ASTN1: variants seen among roughly 807,000 people sequenced by gnomAD.
The protein encoded by ASTN1 is astrotactin-1.
Under a neutral mutation model 140.7 loss-of-function variants are expected in ASTN1, and 41 were observed. The observed-to-expected ratio is 0.29, with a 90% CI of 0.23 to 0.38. The LOEUF (loss-of-function observed/expected upper bound fraction) is 0.38. Ranked by LOEUF, ASTN1 falls within the 10% of genes least tolerant of loss-of-function variation. ASTN1 has a pLI of 1.00. For synonymous variants in ASTN1, 640 were observed against 652.2 expected, an observed-to-expected ratio of 0.98 and a Z score of 0.29; for missense variants, 1,479 against 1,678.8, an observed-to-expected ratio of 0.88 and a Z score of 2.08.
chr1:177,152,076 G>A (rs1683062529), intron 1 of ASTN1, among the ~76,000 whole-genome samples: 1 of 152,066 alleles, frequency 6.6e-6, no homozygotes, highest in Admixed American at 6.6e-5. Context: ...TATGTTGGGA[G>A]ACATGAGTAA....
chr1:176,952,783 G>T (rs1672246408), intron 11 of ASTN1, among the ~76,000 whole-genome samples: 2 of 152,230 alleles, frequency 1.3e-5, no homozygotes, highest in Admixed American at 1.3e-4. Context: ...TGCAAGGGCT[G>T]GATATTCTTT....
Position 177,104,492 on chromosome 1 carries a change from G to A in ASTN1, c.284-43227C>T, listed in dbSNP as rs191891808. On this transcript the variant is annotated intron_variant, in intron 1 of 22. Coordinates refer to ENST00000361833, the MANE Select transcript of ASTN1 (RefSeq NM_004319.3). ...GTTTTATTGGACCACATGTGTTTGT[G>A]CTGTGACGCAGGAGTCAATAAAGAG... 1.2e-4 allele frequency among the ~76,000 whole-genome samples: 18 copies of A among 152,302 alleles called. No individual in the cohort carries two copies. The East Asian group carries it at 3.3e-3, about 28-fold the overall frequency.
chr1:177,151,229 T>A (rs1021295924), intron 1 of ASTN1, among the ~76,000 whole-genome samples: 21 of 151,982 alleles, frequency 1.4e-4, no homozygotes, highest in African/African-American at 4.3e-4. Flanking sequence ...ATCCTTATGG[T>A]AGGGACTGCT....
intron 1 of ASTN1, among the ~76,000 whole-genome samples, chr1:177,072,048 G>C (rs1412307003): frequency 6.6e-6 from 1 of 152,114 alleles, no homozygotes; most frequent in East Asian, 1.9e-4. Context: ...CAATTTCAAG[G>C]GTTAGAGCTA....
intron 14 of ASTN1, among the ~76,000 whole-genome samples, 195 bp from the exon 15 acceptor site, chr1:176,936,565 T>C (rs545365314): frequency 2.8e-4 from 43 of 152,360 alleles, no homozygotes; most frequent in African/African-American, 1.0e-3. Flanking sequence ...GCCAGGCATT[T>C]TGCTAAGCAC....
At chr1:177,112,413 C>T (rs1680865188) in intron 1 of ASTN1, among the ~76,000 whole-genome samples, 1 of 152,226 alleles carries the variant, frequency 6.6e-6, no homozygotes. Context: ...GAGGCTCTGC[C>T]TGCCACGAGG....
chr1:177,120,952 G>C (rs1264400589), intron 1 of ASTN1, among the ~76,000 whole-genome samples: 1 of 152,122 alleles, frequency 6.6e-6, no homozygotes, highest in Non-Finnish European at 1.5e-5. Flanking sequence ...TGTGAGCTGA[G>C]GTTTGGAAAT....
In ASTN1 at chr1:177,149,234, A is replaced by G. The variant is rs533891399; in HGVS notation, c.283+15160T>C. ...TATATATAGTAAATATATATAGTAA[A>G]TATATATATACTATATATAGTAAAT... On this transcript the variant is annotated intron_variant, in intron 1 of 22. Transcript: ENST00000361833. Among the ~76,000 whole-genome samples the G allele has an allele frequency of 5.8e-3, 473 of 80,908 alleles. 64 individuals are homozygous for G. Among genetic ancestry groups the G allele is most frequent in the African/African-American group, 0.046 (454 of 9,914 alleles). The allele number at this position is 80,908 out of a possible 152,430, so 53.1% of individuals were successfully genotyped here.
At chr1:177,093,816 T>C (rs573707306) in intron 1 of ASTN1, among the ~76,000 whole-genome samples, 5 of 152,230 alleles carry the variant, frequency 3.3e-5, no homozygotes, top group Non-Finnish European at 7.3e-5. Context: ...AGTTTGTTTT[T>C]AAAAATTCAG....
intron 9 of ASTN1, 132 bp downstream of exon 9, chr1:176,965,031 T>C (rs913657691): frequency 9.7e-5 from 79 of 810,476 alleles, no homozygotes; most frequent in Non-Finnish European, 1.3e-4. Context: ...GCAAACACTT[T>C]TGTTAGCAGG....
At chr1:176,897,461 T>TA (rs1669566396) in intron 16 of ASTN1, among the ~76,000 whole-genome samples, 1 of 152,094 alleles carries the variant, frequency 6.6e-6, no homozygotes, top group Admixed American at 6.6e-5. Flanking sequence ...ATTTCCTAAC[T>TA]GACCCGCAGC....
intron 6 of ASTN1, among the ~76,000 whole-genome samples, chr1:177,023,861 G>A (rs1426050683): frequency 1.3e-5 from 2 of 152,120 alleles, no homozygotes; most frequent in Non-Finnish European, 2.9e-5. Context: ...GGACAGAGGA[G>A]CCCTGTGATG....
chr1:177,133,553 G>T (rs1254199722), intron 1 of ASTN1, among the ~76,000 whole-genome samples: 4 of 152,144 alleles, frequency 2.6e-5, no homozygotes, highest in Non-Finnish European at 4.4e-5. Flanking sequence ...TCATGATGGG[G>T]CAGGAATGGG....
chr1:177,050,661 G>C (rs1234807086), intron 2 of ASTN1, among the ~76,000 whole-genome samples: 1 of 152,160 alleles, frequency 6.6e-6, no homozygotes, highest in Non-Finnish European at 1.5e-5. Context: ...ACAAACTTTA[G>C]CAGATACTTA....
intron 2 of ASTN1, among the ~76,000 whole-genome samples, chr1:177,053,854 T>C (rs1472025628): frequency 6.6e-6 from 1 of 152,208 alleles, no homozygotes; most frequent in East Asian, 1.9e-4. Context: ...CAGGTGGGAT[T>C]AGCCAAGCTG....
chr1:177,031,772 G>C (rs568344453), intron 3 of ASTN1, among the ~76,000 whole-genome samples: 1 of 152,314 alleles, frequency 6.6e-6, no homozygotes, highest in African/African-American at 2.4e-5. Flanking sequence ...CTGATTCATA[G>C]AAGTTTTAAA....
At chr1:176,953,042 C>T (rs1430075484) in intron 11 of ASTN1, among the ~76,000 whole-genome samples, 2 of 152,184 alleles carry the variant, frequency 1.3e-5, no homozygotes, top group African/African-American at 4.8e-5. Flanking sequence ...AATCACCTTT[C>T]GTGAGATGCT....
chr1:176,908,504 C>T (rs576549662), intron 16 of ASTN1, among the ~76,000 whole-genome samples: 11 of 152,146 alleles, frequency 7.2e-5, no homozygotes, highest in Non-Finnish European at 1.6e-4. Flanking sequence ...CAGGCCAACC[C>T]CTCAGCTGGC....
intron 16 of ASTN1, among the ~76,000 whole-genome samples, chr1:176,918,075 A>G (rs2103069426): frequency 6.6e-6 from 1 of 152,254 alleles, no homozygotes; most frequent in South Asian, 2.1e-4. Context: ...TCTCAGCCAC[A>G]CAACACACAG....
Sources: allele counts gnomAD v4.1 joint callset (sites outside exome capture counted in the v4.1 genomes callset), GRCh38; gene constraint gnomAD v4.1.1; transcripts MANE v1.5; gene names NCBI Gene and HGNC (gene_info 2026-07-23, HGNC 2026-07-21).